CSMD1: variants seen among roughly 807,000 people sequenced by gnomAD.
CSMD1 encodes CUB and sushi domain-containing protein 1.
A neutral mutation model predicts 417.5 loss-of-function variants in CSMD1; 213 were observed. The observed-to-expected ratio is 0.51, with a 90% CI of 0.46 to 0.57. The LOEUF is 0.57. CSMD1 is among the 20% of genes least tolerant of loss of function. CSMD1 has a pLI of 0.00. For synonymous variants in CSMD1, 2,862 were observed against 1,736.8 expected, an observed-to-expected ratio of 1.65 and a Z score of -16.11; for missense variants, 6,923 against 4,529.7, an observed-to-expected ratio of 1.53 and a Z score of -15.17.
At chr8:4,572,504 T>A (rs987460184) in intron 2 of CSMD1, among the ~76,000 whole-genome samples, 1 of 152,228 alleles carries the variant, frequency 6.6e-6, no homozygotes, top group Non-Finnish European at 1.5e-5. Flanking sequence ...TCTGACGGGC[T>A]TGCCTTTGTG....
At chr8:3,040,583 T>A (rs1303599976) in intron 50 of CSMD1, among the ~76,000 whole-genome samples, 1 of 151,746 alleles carries the variant, frequency 6.6e-6, no homozygotes, top group African/African-American at 2.4e-5. Flanking sequence ...GGCAGGTGGA[T>A]CACGAGGTCA....
chr8:2,963,537 A>C, intron 59 of CSMD1, 142 bp from the exon 60 acceptor site: 1 of 812,328 alleles, frequency 1.2e-6, no homozygotes, highest in East Asian at 2.5e-5. Flanking sequence ...AAGAATTGCC[A>C]AGGAAGACAG....
intron 15 of CSMD1, among the ~76,000 whole-genome samples, chr8:3,404,515 A>G (rs894552291): frequency 6.6e-6 from 1 of 152,094 alleles, no homozygotes. Context: ...TCCTTGATAG[A>G]GATGATGGGT....
At chr8:2,996,486 G>A (rs989187429) in intron 54 of CSMD1, among the ~76,000 whole-genome samples, 1 of 152,188 alleles carries the variant, frequency 6.6e-6, no homozygotes, top group Non-Finnish European at 1.5e-5. Context: ...CTGAGGGCAG[G>A]GTGAGGCATG....
chr8:4,517,175 T>A (rs1380230362), intron 2 of CSMD1, among the ~76,000 whole-genome samples: 1 of 152,188 alleles, frequency 6.6e-6, no homozygotes, highest in East Asian at 1.9e-4. Flanking sequence ...CTAATTCATA[T>A]AAGAAAACAA....
At chr8:3,489,423 T>A (rs567026739) in intron 11 of CSMD1, among the ~76,000 whole-genome samples, 2 of 152,192 alleles carry the variant, frequency 1.3e-5, no homozygotes, top group Admixed American at 1.3e-4. Context: ...ATTAATGAAA[T>A]CCCCTGGTTA....
chr8:4,347,458 C>T (rs1042007906), intron 3 of CSMD1, among the ~76,000 whole-genome samples: 2 of 152,004 alleles, frequency 1.3e-5, no homozygotes, highest in African/African-American at 4.8e-5. Context: ...GAGCTTATAC[C>T]ACATCTATGA....
intron 3 of CSMD1, among the ~76,000 whole-genome samples, chr8:4,125,607 TG>T (rs1330446452): frequency 6.6e-6 from 1 of 152,180 alleles, no homozygotes; most frequent in Non-Finnish European, 1.5e-5. Flanking sequence ...GAATTATAAC[TG>T]AGGAAATTAT....
chr8:4,480,944 T>C (rs1801067333), intron 2 of CSMD1, among the ~76,000 whole-genome samples: 1 of 152,176 alleles, frequency 6.6e-6, no homozygotes, highest in Non-Finnish European at 1.5e-5. Flanking sequence ...CCTAGAAATC[T>C]ACCTATTAAC....
Position 4,961,792 on chromosome 8 carries a change from ATTGT to A in CSMD1, c.85+32536_85+32539del, listed in dbSNP as rs571134901. The stretch of plus-strand genomic sequence containing the variant: ...TGTCCATTTCTGAGACTCTTTTTGT[ATTGT>A]TTGACAAATACTGCTAATCTACTTT... On this transcript the variant is annotated intron_variant, in intron 1 of 69. Coordinates refer to ENST00000635120, the MANE Select transcript of CSMD1 (RefSeq NM_033225.6). Among the ~76,000 whole-genome samples, 550 of 152,028 alleles carry A rather than the reference ATTGT, an allele frequency of 3.6e-3. 5 individuals carry two copies. Among genetic ancestry groups the A allele is most frequent in the African/African-American group, 9.8e-3 (408 of 41,464 alleles).
intron 5 of CSMD1, among the ~76,000 whole-genome samples, chr8:3,932,188 T>C (rs929225338): frequency 6.7e-6 from 1 of 150,284 alleles, no homozygotes; most frequent in African/African-American, 2.5e-5. Context: ...GTAGACACTG[T>C]TTCATCGATA....
chr8:4,144,261 C>G (rs1803975465), intron 3 of CSMD1, among the ~76,000 whole-genome samples: 1 of 150,990 alleles, frequency 6.6e-6, no homozygotes, highest in Non-Finnish European at 1.5e-5. Flanking sequence ...TGCCTCAAGA[C>G]CTTATTCTGC....
chr8:4,826,303 G>A (rs568431375), intron 1 of CSMD1, among the ~76,000 whole-genome samples: 109 of 151,872 alleles, frequency 7.2e-4, no homozygotes, highest in African/African-American at 2.5e-3. Flanking sequence ...ATGTATGTGT[G>A]TATATATGTG....
At chr8:2,992,914 G>C (rs1585109026) in intron 54 of CSMD1, among the ~76,000 whole-genome samples, 1 of 151,390 alleles carries the variant, frequency 6.6e-6, no homozygotes, top group East Asian at 2.0e-4. Context: ...GCTAATTTTT[G>C]TAGAGACTGA....
chr8:3,431,494 C>T (rs1161036135), intron 12 of CSMD1, among the ~76,000 whole-genome samples: 1 of 152,152 alleles, frequency 6.6e-6, no homozygotes, highest in African/African-American at 2.4e-5. Flanking sequence ...TGCCGCCTCC[C>T]TGACCCATCC....
chr8:4,029,620 G>T, intron 4 of CSMD1, among the ~76,000 whole-genome samples: 1 of 152,166 alleles, frequency 6.6e-6, no homozygotes, highest in Admixed American at 6.5e-5. Context: ...ATGAGGTTTT[G>T]GTAGGGACAC....
intron 3 of CSMD1, among the ~76,000 whole-genome samples, chr8:4,164,921 A>G (rs1319407265): frequency 6.6e-6 from 1 of 151,766 alleles, no homozygotes; most frequent in Non-Finnish European, 1.5e-5. Context: ...ATAGTTTGAT[A>G]GTAGTCCTGA....
At chr8:4,106,989 C>T (rs1044406866) in intron 3 of CSMD1, among the ~76,000 whole-genome samples, 3 of 152,286 alleles carry the variant, frequency 2.0e-5, no homozygotes, top group South Asian at 4.1e-4. Flanking sequence ...AGCAGATGGG[C>T]CTTAGACAAC....
At chr8:4,138,839 G>C (rs886835661) in intron 3 of CSMD1, among the ~76,000 whole-genome samples, 1 of 152,058 alleles carries the variant, frequency 6.6e-6, no homozygotes, top group Admixed American at 6.6e-5. Flanking sequence ...ATTCTATAGA[G>C]AATAAAGTTA....
Sources: allele counts gnomAD v4.1 joint callset (sites outside exome capture counted in the v4.1 genomes callset), GRCh38; gene constraint gnomAD v4.1.1; transcripts MANE v1.5; gene names NCBI Gene and HGNC (gene_info 2026-07-23, HGNC 2026-07-21).